TRIM51G: variants seen among roughly 807,000 people sequenced by gnomAD.
The protein encoded by TRIM51G is tripartite motif-containing 51G, also known as tripartite motif-containing protein 51G.
the TRIM51G span, among the ~76,000 whole-genome samples, chr11:48,979,761 T>G: frequency 6.6e-6 from 1 of 150,726 alleles, no homozygotes; most frequent in Non-Finnish European, 1.5e-5. Flanking sequence ...GAGGAATATA[T>G]ACATGTATCT....
the TRIM51G span, chr11:48,981,363 G>C: frequency 6.2e-7 from 1 of 1,607,498 alleles, no homozygotes; most frequent in Non-Finnish European, 8.5e-7. Context: ...ACAGCAAACA[G>C]AGCAGGCTCT....
the TRIM51G span, among the ~76,000 whole-genome samples, chr11:48,977,580 G>A: frequency 6.6e-6 from 1 of 152,130 alleles, no homozygotes; most frequent in Non-Finnish European, 1.5e-5. Context: ...GTTGAAACGT[G>A]CTCCAGGCAG....
chr11:48,981,787 C>T, the TRIM51G span: 2 of 1,342,210 alleles, frequency 1.5e-6, no homozygotes, highest in East Asian at 4.6e-5. Context: ...CTATATTTTC[C>T]TCTTGACAGT....
the TRIM51G span, among the ~76,000 whole-genome samples, chr11:48,976,784 T>C: frequency 6.6e-6 from 1 of 152,180 alleles, no homozygotes; most frequent in Non-Finnish European, 1.5e-5. Flanking sequence ...CCTTGGATTA[T>C]TAAGCTTCCT....
the TRIM51G span, among the ~76,000 whole-genome samples, chr11:48,983,323 A>T: frequency 6.7e-6 from 1 of 149,774 alleles, no homozygotes; most frequent in African/African-American, 2.4e-5. Flanking sequence ...TATTTCCTTT[A>T]GTATCACCAT....
the TRIM51G span, among the ~76,000 whole-genome samples, chr11:48,976,352 T>A: frequency 6.6e-6 from 1 of 152,250 alleles, no homozygotes; most frequent in African/African-American, 2.4e-5. Flanking sequence ...TGTTCTTACA[T>A]ACTAGTGATA....
At chr11:48,978,743 C>A in the TRIM51G span, 7 of 583,550 alleles carry the variant, frequency 1.2e-5, no homozygotes, top group African/African-American at 1.3e-4. Context: ...AACCAAGTAG[C>A]ATTAGTTATA....
the TRIM51G span, among the ~76,000 whole-genome samples, chr11:48,982,486 C>A: frequency 1.3e-5 from 2 of 151,960 alleles, no homozygotes; most frequent in African/African-American, 2.4e-5. Flanking sequence ...TGCAGAGAGA[C>A]ATGTAAGTTG....
chr11:48,981,345 G>T, the TRIM51G span: 1 of 1,607,000 alleles, frequency 6.2e-7, no homozygotes, highest in South Asian at 1.1e-5. Context: ...GCTCCTGAGA[G>T]TTGGAGCACA....
the TRIM51G span, among the ~76,000 whole-genome samples, chr11:48,978,344 A>G: frequency 7.9e-5 from 12 of 152,124 alleles, no homozygotes; most frequent in African/African-American, 2.9e-4. Context: ...TTATGTCCTG[A>G]TAAAGTCTAA....
At chr11:48,975,691 C>T in the TRIM51G span, 27 of 1,511,064 alleles carry the variant, frequency 1.8e-5, no homozygotes, top group Non-Finnish European at 2.4e-5. Flanking sequence ...AAAGAGACTG[C>T]AGTGAGTGTC....
the TRIM51G span, chr11:48,975,561 G>A: frequency 2.2e-6 from 3 of 1,381,908 alleles, no homozygotes; most frequent in Middle Eastern, 1.8e-4. Flanking sequence ...TAGGGATGGT[G>A]TATATCAGGG....
the TRIM51G span, among the ~76,000 whole-genome samples, chr11:48,977,358 C>T: frequency 2.7e-3 from 408 of 152,256 alleles, 3 homozygotes; most frequent in African/African-American, 8.8e-3. Flanking sequence ...TTTTCAAGCA[C>T]GATGGAAAAG....
At chr11:48,981,437 T>C in the TRIM51G span, 33 of 1,607,624 alleles carry the variant, frequency 2.1e-5, no homozygotes, top group Non-Finnish European at 2.5e-5. Context: ...TCCTCAGAGC[T>C]AAGGAATTGC....
chr11:48,976,971 G>A, the TRIM51G span: 7 of 592,840 alleles, frequency 1.2e-5, no homozygotes, highest in East Asian at 2.3e-4. Flanking sequence ...ATCGTCATAT[G>A]GTTCACTTCC....
the TRIM51G span, chr11:48,977,101 C>G: frequency 1.8e-6 from 2 of 1,134,870 alleles, no homozygotes; most frequent in Non-Finnish European, 2.7e-6. Flanking sequence ...ATCCCTTGAG[C>G]CTGTCCATCA....
At chr11:48,976,591 T>C in the TRIM51G span, among the ~76,000 whole-genome samples, 1 of 152,138 alleles carries the variant, frequency 6.6e-6, no homozygotes, top group Non-Finnish European at 1.5e-5. Flanking sequence ...TTTCCATTTT[T>C]ACTTCCTATT....
the TRIM51G span, chr11:48,981,534 T>A: frequency 1.0e-5 from 16 of 1,602,620 alleles, no homozygotes; most frequent in African/African-American, 1.3e-5. Context: ...TCTTCTTGCA[T>A]TTAGAGCACT....
chr11:48,977,084 C>A, the TRIM51G span: 1 of 1,024,956 alleles, frequency 9.8e-7, no homozygotes, highest in East Asian at 2.4e-5. Context: ...CTGACACTCA[C>A]CTCTGAATCC....
Sources: allele counts gnomAD v4.1 joint callset (sites outside exome capture counted in the v4.1 genomes callset), GRCh38; gene constraint gnomAD v4.1.1; transcripts MANE v1.5; gene names NCBI Gene and HGNC (gene_info 2026-07-23, HGNC 2026-07-21).